Variants in ZBED6 observed in about 807,000 individuals in gnomAD.
ZBED6 encodes zinc finger BED-type containing 6, also known as zinc finger BED domain-containing protein 6.
A neutral mutation model predicts 58.4 loss-of-function variants in ZBED6; 40 were observed. The observed-to-expected ratio is 0.68, with a 90% CI of 0.53 to 0.89. The LOEUF (loss-of-function observed/expected upper bound fraction) is 0.89. Among genes scored for constraint, ZBED6 ranks in the 40% least tolerant of loss-of-function variants. The pLI is 0.00. For missense variants in ZBED6, 1,057 were observed against 1,003.9 expected (o/e 1.05, Z -0.71); for synonymous variants, 439 against 350.6 (o/e 1.25, Z -2.82).
intron 1 of ZBED6, chr1:203,805,882 A>G: frequency 1.3e-6 from 1 of 769,034 alleles, no homozygotes; most frequent in Non-Finnish European, 2.3e-6. Context: ...CTGGTCTTGT[A>G]AATTCTCAAT....
exon 17 of ZBED6, chr1:203,853,270 CCT>C (rs1689633022): frequency 6.6e-6 from 1 of 152,578 alleles, no homozygotes; most frequent in East Asian, 1.9e-4. Context: ...CCAACAAACC[CCT>C]GTTGCCCAGT....
intron 1 of ZBED6, among the ~76,000 whole-genome samples, chr1:203,804,062 T>G (rs1309679588): frequency 6.6e-6 from 1 of 152,306 alleles, no homozygotes; most frequent in South Asian, 2.1e-4. Context: ...TATCCAGGTC[T>G]TCTGTGCCTT....
intron 1 of ZBED6, among the ~76,000 whole-genome samples, chr1:203,814,087 A>T (rs1175082472): frequency 6.6e-6 from 1 of 151,352 alleles, no homozygotes; most frequent in African/African-American, 2.4e-5. Flanking sequence ...CTTGCATTTC[A>T]CTGTAAGCAG....
chr1:203,833,375 A>AC (rs1683076787), intron 8 of ZBED6, among the ~76,000 whole-genome samples: 2 of 148,312 alleles, frequency 1.3e-5, no homozygotes, highest in Non-Finnish European at 1.5e-5. Flanking sequence ...AAAAAAAAAA[A>AC]AAAAAAAAAC....
intron 8 of ZBED6, among the ~76,000 whole-genome samples, chr1:203,832,090 C>T (rs1209523115): frequency 2.0e-5 from 3 of 152,134 alleles, no homozygotes; most frequent in Non-Finnish European, 4.4e-5. Context: ...CAGAGTTGCA[C>T]TCCTGTTGCC....
At chr1:203,807,568 C>T (rs544027447) in intron 1 of ZBED6, among the ~76,000 whole-genome samples, 95 of 151,978 alleles carry the variant, frequency 6.3e-4, no homozygotes, top group African/African-American at 2.3e-3. Flanking sequence ...GCTCTGCCTC[C>T]CAGGCTGGAG....
chr1:203,849,528 A>C (rs183498003), intron 13 of ZBED6, among the ~76,000 whole-genome samples, 183 bp from the exon 14 acceptor site: 1 of 152,168 alleles, frequency 6.6e-6, no homozygotes, highest in Non-Finnish European at 1.5e-5. Flanking sequence ...TATTCCATAC[A>C]TCTGTAATTC....
intron 3 of ZBED6, among the ~76,000 whole-genome samples, chr1:203,820,487 T>TGTGTGTGTGTGTGTGTGTG (rs1553263519): frequency 6.6e-6 from 1 of 152,054 alleles, no homozygotes; most frequent in African/African-American, 2.4e-5. Context: ...TGTGTGTATA[T>TGTGTGTGTGTGTGTGTGTG]TTTGAGTTGA....
chr1:203,813,114 C>T (rs951648783), intron 1 of ZBED6, among the ~76,000 whole-genome samples: 11 of 152,124 alleles, frequency 7.2e-5, no homozygotes, highest in Non-Finnish European at 1.5e-4. Context: ...CAGCCTGTGG[C>T]TTTTTCATTC....
exon 5 of ZBED6, chr1:203,829,567 A>C: frequency 1.2e-6 from 2 of 1,614,126 alleles, no homozygotes; most frequent in Non-Finnish European, 1.7e-6. Context: ...GCGGAGCGTT[A>C]TGAAAGTAGA....
chr1:203,852,470 T>C, exon 17 of ZBED6: 1 of 1,522,500 alleles, frequency 6.6e-7, no homozygotes, highest in Non-Finnish European at 8.9e-7. Context: ...ATTGTAACAT[T>C]TACCTGAGAT....
At chr1:203,829,414 T>C (rs1463206472) in intron 4 of ZBED6, 37 bp from the exon 5 acceptor site, 2 of 1,611,716 alleles carry the variant, frequency 1.2e-6, no homozygotes, top group African/African-American at 2.7e-5. Flanking sequence ...GGGTTGTATC[T>C]TCTGTTTTTA....
chr1:203,803,495 G>C (rs1671157802), intron 1 of ZBED6, among the ~76,000 whole-genome samples: 1 of 152,064 alleles, frequency 6.6e-6, no homozygotes, highest in Admixed American at 6.6e-5. Context: ...CTGGCCCATA[G>C]TTTTTCTTTC....
At chr1:203,828,914 ATAATC>A (rs570430201) in intron 4 of ZBED6, among the ~76,000 whole-genome samples, 1 of 152,234 alleles carries the variant, frequency 6.6e-6, no homozygotes, top group Non-Finnish European at 1.5e-5. Context: ...ACTCTAGACT[ATAATC>A]TAAAATAAAA....
intron 1 of ZBED6, among the ~76,000 whole-genome samples, chr1:203,811,235 G>A (rs181818693): frequency 1.3e-3 from 195 of 152,076 alleles, no homozygotes; most frequent in Non-Finnish European, 1.7e-3. Context: ...TTGAACCCAG[G>A]AGGTGGAGGT....
chr1:203,806,683 CT>C (rs559216171), intron 1 of ZBED6, among the ~76,000 whole-genome samples: 11 of 152,102 alleles, frequency 7.2e-5, no homozygotes, highest in Non-Finnish European at 1.5e-4. Context: ...AATGGGTGTC[CT>C]TTTTTCGCTT....
intron 3 of ZBED6, among the ~76,000 whole-genome samples, chr1:203,825,542 C>T (rs893226387): frequency 1.3e-5 from 2 of 148,534 alleles, no homozygotes; most frequent in African/African-American, 5.0e-5. Flanking sequence ...TCAAGTGATT[C>T]TCCTGTCTCA....
chr1:203,825,765 G>A (rs1260858240), intron 3 of ZBED6, among the ~76,000 whole-genome samples: 1 of 151,906 alleles, frequency 6.6e-6, no homozygotes, highest in African/African-American at 2.4e-5. Context: ...AGAATTACAT[G>A]GAATACCTTT....
At chr1:203,850,361 C>A in intron 14 of ZBED6, 154 bp from the exon 15 acceptor site, 1 of 1,153,382 alleles carries the variant, frequency 8.7e-7, no homozygotes, top group South Asian at 1.3e-5. Context: ...ACCATGTGAC[C>A]ACAAATTGCC....
Sources: gnomAD v4.1 joint callset for allele counts (sites outside exome capture counted in the v4.1 genomes callset) on GRCh38, gnomAD v4.1.1 for gene constraint, MANE v1.5 for transcripts, NCBI Gene and HGNC (gene_info 2026-07-23, HGNC 2026-07-21) for gene names.